RFX8: variants seen among roughly 807,000 people sequenced by gnomAD.
RFX8 encodes regulatory factor X8, also known as DNA-binding protein RFX8.
In RFX8, 46 loss-of-function variants were observed where a neutral mutation model predicts 54.6. The observed-to-expected ratio is 0.84, with a 90% confidence interval of 0.67 to 1.08. RFX8 has a LOEUF of 1.08. RFX8 is among the 50% of genes least tolerant of loss of function. The pLI, the probability that RFX8 is intolerant of heterozygous loss-of-function variation, is 0.00. For missense variants in RFX8, 536 were observed against 562.3 expected (o/e 0.95, Z 0.47); for synonymous variants, 192 against 209.5 (o/e 0.92, Z 0.72).
Position 101,422,411 on chromosome 2 carries a change from C to T in RFX8, c.134G>A (p.Arg45Lys), listed in dbSNP as rs1163705801. The change falls in exon 3 of 12, where the codon AGA becomes AAA. Residue 45 changes from arginine to lysine, a missense_variant. Coordinates refer to ENST00000428343, the MANE Select transcript of RFX8 (RefSeq NM_001145664.2). Reference sequence around the variant, plus strand: ...CTGTTCTTGCTCCAGAAATGGACATCTCCTGAATTCAGACAAAGGGGATCC... The same window carrying T: ...CTGTTCTTGCTCCAGAAATGGACATTTCCTGAATTCAGACAAAGGGGATCC... ...PVGSPLSEFR[R>K]CPFLEQEQAK... The T allele has an allele frequency of 6.5e-7, 1 of 1,550,026 alleles. No homozygotes were observed. The highest frequency in any genetic ancestry group is 2.4e-5 in the East Asian group (1 of 40,924).
intron 2 of RFX8, among the ~76,000 whole-genome samples, chr2:101,444,888 C>T (rs1385399931): frequency 6.6e-6 from 1 of 152,122 alleles, no homozygotes; most frequent in African/African-American, 2.4e-5. Flanking sequence ...TCACAACAGT[C>T]CCATGAAGTA....
chr2:101,439,917 C>T (rs909131942), intron 2 of RFX8, among the ~76,000 whole-genome samples: 7 of 152,094 alleles, frequency 4.6e-5, no homozygotes, highest in Non-Finnish European at 8.8e-5. Context: ...TTCCAGTGAT[C>T]GGTGTGTCCA....
intron 2 of RFX8, among the ~76,000 whole-genome samples, chr2:101,441,368 T>C (rs1688092392): frequency 6.6e-6 from 1 of 152,130 alleles, no homozygotes; most frequent in South Asian, 2.1e-4. Context: ...TAAGAATTCA[T>C]GGATTCATGG....
intron 2 of RFX8, among the ~76,000 whole-genome samples, chr2:101,451,085 C>T (rs374467388): frequency 9.2e-5 from 12 of 131,060 alleles, no homozygotes; most frequent in African/African-American, 3.7e-4. Context: ...GTCAGAAACC[C>T]AGGAGGGAAG....
chr2:101,470,880 C>A (rs777343298), intron 1 of RFX8, among the ~76,000 whole-genome samples: 3 of 150,648 alleles, frequency 2.0e-5, no homozygotes, highest in African/African-American at 4.9e-5. Context: ...CCACCTCGCC[C>A]GGCTAATTTT....
chr2:101,397,738 A>C lies in RFX8; in HGVS notation c.1246-14T>G. On this transcript the variant is annotated splice_polypyrimidine_tract_variant and intron_variant, in intron 11 of 11. Coordinates refer to ENST00000428343, the MANE Select transcript of RFX8 (RefSeq NM_001145664.2). ...CACCTGGATGAGCTGCAAGAGGGAAATGTTTTAAGGGAAAAGATAAAAAGA... is the reference window on the plus strand; with the variant it reads ...CACCTGGATGAGCTGCAAGAGGGAACTGTTTTAAGGGAAAAGATAAAAAGA... 1 of 1,540,948 alleles carries C rather than the reference A, an allele frequency of 6.5e-7. No individual in the cohort carries two copies. The highest frequency in any genetic ancestry group is 1.2e-5 in the South Asian group (1 of 82,026).
intron 6 of RFX8, among the ~76,000 whole-genome samples, chr2:101,416,568 C>T (rs1209773440): frequency 7.2e-5 from 11 of 152,162 alleles, no homozygotes; most frequent in Non-Finnish European, 1.5e-4. Context: ...GGGGAAATAA[C>T]TGGTGCCAGC....
chr2:101,460,174 G>C (rs1304053985), intron 2 of RFX8, among the ~76,000 whole-genome samples: 1 of 147,380 alleles, frequency 6.8e-6, no homozygotes, highest in Non-Finnish European at 1.5e-5. Flanking sequence ...CTAGGAAAGG[G>C]ATATCCCCCG....
chr2:101,402,849 G>T, intron 10 of RFX8, 97 bp from the exon 11 acceptor site: 1 of 1,098,726 alleles, frequency 9.1e-7, no homozygotes, highest in Non-Finnish European at 1.3e-6. Context: ...TAACACCTGT[G>T]TACGTGAGCC....
intron 1 of RFX8, among the ~76,000 whole-genome samples, chr2:101,468,659 C>T (rs1184996949): frequency 2.6e-5 from 4 of 151,918 alleles, no homozygotes; most frequent in African/African-American, 9.7e-5. Flanking sequence ...TTCAGGATGA[C>T]TTCAATTTAA....
chr2:101,439,596 CAT>C (rs1558870724), intron 2 of RFX8, among the ~76,000 whole-genome samples: 13 of 143,596 alleles, frequency 9.1e-5, no homozygotes, highest in East Asian at 2.0e-4. Flanking sequence ...GATTGAAGTT[CAT>C]TTTTTTTTTT....
chr2:101,410,588 CT>C (rs35603034), intron 9 of RFX8, 30 bp downstream of exon 9: 171,642 of 862,664 alleles, frequency 0.2, 56 homozygotes, highest in South Asian at 0.26. Flanking sequence ...GGTCAACACA[CT>C]TTTTTTTTTT....
chr2:101,405,929 A>G lies in RFX8; in HGVS notation c.928+14T>C, dbSNP rs766391652. 2 of 1,459,384 alleles carry G rather than the reference A, an allele frequency of 1.4e-6. No individual in the cohort carries two copies. Among genetic ancestry groups the G allele is most frequent in the South Asian group, 2.6e-5 (2 of 76,396 alleles). The allele number at this position is 1,459,384 out of a possible 1,614,324, so 90.4% of individuals were successfully genotyped here. On this transcript the variant is annotated intron_variant, in intron 10 of 11. Transcript: ENST00000428343. Reference sequence around the variant, plus strand: ...AAGGTAGAATACAAAATACTTTCTTATTCTCTGACTTACCAAAACTATCTC... The same window carrying G: ...AAGGTAGAATACAAAATACTTTCTTGTTCTCTGACTTACCAAAACTATCTC...
intron 2 of RFX8, among the ~76,000 whole-genome samples, chr2:101,445,366 T>C (rs1239007679): frequency 6.6e-6 from 1 of 151,998 alleles, no homozygotes; most frequent in Non-Finnish European, 1.5e-5. Flanking sequence ...CATGACTCCA[T>C]TGTATTGTCT....
chr2:101,452,689 C>T (rs1016029165), intron 2 of RFX8, among the ~76,000 whole-genome samples: 15 of 152,294 alleles, frequency 9.8e-5, no homozygotes, highest in Non-Finnish European at 1.6e-4. Flanking sequence ...AGGCCAGGCA[C>T]GGTGGCTCCT....
Position 101,405,958 on chromosome 2 carries a change from G to A in RFX8, c.913C>T (p.His305Tyr). ...TCTGACTTACCAAAACTATCTCTGT[G>A]GCAGAGGGTCATGGCTTTGCTTACA... ...TAVSKAMTLC[H>Y]RDSFGSWHLF... Residue 305 changes from histidine (H) to tyrosine (Y), a missense_variant, in exon 10 of 12, where the codon CAC becomes TAC. Physicochemically the swap from His to Tyr is moderately conservative, Grantham distance 83 (BLOSUM62 2). Transcript: ENST00000428343. 3.3e-6 allele frequency: 5 copies of A among 1,534,500 alleles called. No homozygotes were observed. Among genetic ancestry groups the A allele is most frequent in the Non-Finnish European group, 3.5e-6 (4 of 1,138,710 alleles).
intron 2 of RFX8, chr2:101,450,648 C>T (rs2148971346): frequency 6.6e-7 from 1 of 1,513,212 alleles, no homozygotes; most frequent in East Asian, 2.5e-5. Flanking sequence ...GAAGAAAGAG[C>T]TTTTCTTGAT....
At chr2:101,458,217 G>A (rs1689086945) in intron 2 of RFX8, among the ~76,000 whole-genome samples, 1 of 152,090 alleles carries the variant, frequency 6.6e-6, no homozygotes, top group East Asian at 1.9e-4. Context: ...TACATTTAAG[G>A]TTAATATTGT....
rs373905051 is a variant in RFX8 at position 101,422,465 on chromosome 2, T to C, written c.80A>G (p.Asp27Gly). The C allele has an allele frequency of 4.6e-6, 7 of 1,534,372 alleles. No homozygotes were observed. Among genetic ancestry groups the C allele is most frequent in the Admixed American group, 2.0e-5 (1 of 50,928 alleles). ...VNPATFGKCE[D>G]HSPMKTDPVG... ...TGGGTCTGTCTTCATCGGTGAATGA[T>C]CTTCACACTAAAAATCATTTGTGCA... Residue 27 changes from aspartate to glycine, a missense_variant, in exon 3 of 12, where the codon GAT becomes GGT. Asp to Gly is a moderately conservative substitution (Grantham distance 94, BLOSUM62 -1). Coordinates refer to ENST00000428343, the MANE Select transcript of RFX8 (RefSeq NM_001145664.2).
Sources: allele counts gnomAD v4.1 joint callset (sites outside exome capture counted in the v4.1 genomes callset), GRCh38; gene constraint gnomAD v4.1.1; transcripts MANE v1.5; gene names NCBI Gene and HGNC (gene_info 2026-07-23, HGNC 2026-07-21).